Variants in SPATA13 observed in about 807,000 individuals in gnomAD.
The protein encoded by SPATA13 is spermatogenesis-associated protein 13.
Under a neutral mutation model 104.0 loss-of-function variants are expected in SPATA13, and 50 were observed. The ratio of observed to expected loss-of-function variants is 0.48; its 90% CI spans 0.38 to 0.61. The LOEUF is 0.61. Among genes scored for constraint, SPATA13 ranks in the 20% least tolerant of loss-of-function variants. SPATA13 has a pLI of 0.00. For synonymous variants in SPATA13, 606 were observed against 667.5 expected (o/e 0.91, Z 1.42); for missense variants, 1,524 against 1,690.6 (o/e 0.90, Z 1.73).
intron 3 of SPATA13, among the ~76,000 whole-genome samples, chr13:24,020,557 G>A (rs1419629036): frequency 6.6e-6 from 1 of 152,162 alleles, no homozygotes. Flanking sequence ...ACCTTTAACA[G>A]TCCATCAGGC....
Position 24,249,813 on chromosome 13 carries a change from A to G in SPATA13, c.1990A>G (p.Thr664Ala), listed in dbSNP as rs746637753. 7 of 1,610,016 alleles carry G rather than the reference A, an allele frequency of 4.3e-6. No homozygotes were observed. The South Asian group carries it at 4.4e-5, about 10-fold the overall frequency. ...GGTCAGCTTGTATGGGACCAACCAG[A>G]CGGAGGAACTGGACAATCTTCTGAC... ...GGVSLYGTNQ[T>A]EELDNLLTQP... Residue 664 changes from threonine (T) to alanine (A), a missense_variant, in exon 3 of 13, where the codon ACG becomes GCG. Coordinates refer to ENST00000382108, the MANE Select transcript of SPATA13 (RefSeq NM_001166271.3).
intron 1 of SPATA13, among the ~76,000 whole-genome samples, chr13:23,982,630 C>G (rs1283711716): frequency 3.3e-5 from 5 of 151,992 alleles, no homozygotes; most frequent in Admixed American, 2.0e-4. Flanking sequence ...GGTAGAAAAA[C>G]TGAGTTGTAG....
At chr13:23,985,159 T>A (rs903674084) in intron 2 of SPATA13, among the ~76,000 whole-genome samples, 1 of 152,262 alleles carries the variant, frequency 6.6e-6, no homozygotes, top group Admixed American at 6.5e-5. Context: ...ATGCCCTTTC[T>A]TCCCGTCTGC....
intron 3 of SPATA13, among the ~76,000 whole-genome samples, chr13:24,118,391 G>A (rs1305173951): frequency 6.6e-6 from 1 of 152,094 alleles, no homozygotes; most frequent in Non-Finnish European, 1.5e-5. Flanking sequence ...GTTACTCCTG[G>A]CACGTGTGGA....
intron 2 of SPATA13, among the ~76,000 whole-genome samples, chr13:24,013,706 CTTT>C (rs59130588): frequency 4.8e-4 from 65 of 135,802 alleles, no homozygotes; most frequent in Admixed American, 2.9e-3. Flanking sequence ...TTTTTTTCCA[CTTT>C]TTTTTTTTTT....
chr13:24,226,862 G>C (rs1055475501), intron 2 of SPATA13, among the ~76,000 whole-genome samples: 3 of 152,240 alleles, frequency 2.0e-5, no homozygotes, highest in African/African-American at 7.2e-5. Flanking sequence ...GACTATCGCA[G>C]AGTACTTTCA....
chr13:24,141,249 G>A (rs567370687), intron 3 of SPATA13, among the ~76,000 whole-genome samples: 3 of 152,078 alleles, frequency 2.0e-5, no homozygotes, highest in East Asian at 1.9e-4. Context: ...AGGAGGTCAA[G>A]GTGGGAGGAT....
intron 3 of SPATA13, among the ~76,000 whole-genome samples, chr13:24,118,016 CTA>C (rs1327412426): frequency 6.6e-6 from 1 of 152,156 alleles, no homozygotes; most frequent in African/African-American, 2.4e-5. Flanking sequence ...GAAGTGTGTA[CTA>C]TGTTTTTCTG....
chr13:24,037,617 C>A (rs1436574391), intron 3 of SPATA13, among the ~76,000 whole-genome samples: 3 of 151,984 alleles, frequency 2.0e-5, no homozygotes, highest in Non-Finnish European at 4.4e-5. Flanking sequence ...ACCATGTTGG[C>A]CACGGTGGTC....
At chr13:24,157,893 CCCT>C (rs1462396463), upstream of SPATA13, among the ~76,000 whole-genome samples, 1 of 152,168 alleles carries the variant, frequency 6.6e-6, no homozygotes, top group African/African-American at 2.4e-5. Context: ...ATTCGTTCAA[CCCT>C]TCTAACTTCA....
At chr13:24,101,194 C>T (rs1395588435) in intron 3 of SPATA13, among the ~76,000 whole-genome samples, 1 of 152,162 alleles carries the variant, frequency 6.6e-6, no homozygotes, top group Non-Finnish European at 1.5e-5. Flanking sequence ...CATCTATTTA[C>T]TTCTTATCCT....
intron 3 of SPATA13, among the ~76,000 whole-genome samples, chr13:24,154,906 G>A (rs1220577): frequency 0.013 from 1,922 of 152,292 alleles, 39 homozygotes; most frequent in African/African-American, 0.044. Flanking sequence ...TGCCCAGGCT[G>A]GAGTGCAATA....
intron 3 of SPATA13, among the ~76,000 whole-genome samples, chr13:24,042,727 A>G (rs1159001059): frequency 6.6e-6 from 1 of 152,206 alleles, no homozygotes; most frequent in Non-Finnish European, 1.5e-5. Context: ...ATAAAGACAG[A>G]AATCCCTAAG....
chr13:24,176,481 GT>G (rs1868442619), intron 1 of SPATA13, among the ~76,000 whole-genome samples: 2 of 152,086 alleles, frequency 1.3e-5, no homozygotes, highest in African/African-American at 2.4e-5. Context: ...TGATGTCACA[GT>G]TTCCTTTTAA....
intron 3 of SPATA13, among the ~76,000 whole-genome samples, chr13:24,054,804 TA>T (rs1235011217): frequency 6.6e-6 from 1 of 152,196 alleles, no homozygotes; most frequent in Middle Eastern, 3.2e-3. Context: ...ATTCATTTTT[TA>T]AACTGGAAAA....
At chr13:24,103,938 T>C (rs1880352634) in intron 3 of SPATA13, among the ~76,000 whole-genome samples, 1 of 152,196 alleles carries the variant, frequency 6.6e-6, no homozygotes, top group Non-Finnish European at 1.5e-5. Context: ...GACATGTCAC[T>C]TTCTCTGTGA....
intron 2 of SPATA13, among the ~76,000 whole-genome samples, chr13:24,006,988 C>T (rs1876261790): frequency 6.6e-6 from 1 of 152,164 alleles, no homozygotes; most frequent in South Asian, 2.1e-4. Context: ...CTGTGCACCC[C>T]TCCTTCCTTC....
chr13:24,072,825 C>CTTTCTTTTTT (rs1879212139), intron 3 of SPATA13, among the ~76,000 whole-genome samples: 1 of 120,672 alleles, frequency 8.3e-6, no homozygotes, highest in African/African-American at 3.1e-5. Context: ...CTGTTGGCTC[C>CTTTCTTTTTT]TTTTTTTTTT....
chr13:23,986,196 T>C (rs534053282), intron 2 of SPATA13, among the ~76,000 whole-genome samples: 4 of 152,330 alleles, frequency 2.6e-5, no homozygotes, highest in Admixed American at 2.6e-4. Context: ...GACCTAGTCA[T>C]TGTATAACCT....
Sources: gnomAD v4.1 joint callset for allele counts (sites outside exome capture counted in the v4.1 genomes callset) on GRCh38, gnomAD v4.1.1 for gene constraint, MANE v1.5 for transcripts, NCBI Gene and HGNC (gene_info 2026-07-23, HGNC 2026-07-21) for gene names.